Variants in PHLPP1 observed in about 807,000 individuals in gnomAD.
PHLPP1 encodes PH domain leucine-rich repeat-containing protein phosphatase 1.
PHLPP1 carries 42 observed loss-of-function variants against 117.2 expected under a neutral mutation model. That is an observed-to-expected ratio of 0.36 (90% CI 0.28 to 0.46). The LOEUF (loss-of-function observed/expected upper bound fraction) is 0.46. Among genes scored for constraint, PHLPP1 ranks in the 20% least tolerant of loss-of-function variants. PHLPP1 has a pLI of 1.00. For missense variants in PHLPP1, 2,084 were observed against 2,241.9 expected, an observed-to-expected ratio of 0.93 and a Z score of 1.42; for synonymous variants, 1,042 against 970.7, an observed-to-expected ratio of 1.07 and a Z score of -1.37.
chr18:62,896,295 G>T (rs1459538640), intron 6 of PHLPP1, among the ~76,000 whole-genome samples: 4 of 140,264 alleles, frequency 2.9e-5, no homozygotes, highest in African/African-American at 5.2e-5. Context: ...TGTTGTTCTT[G>T]TTTTTTTTTT....
chr18:62,865,602 T>A (rs1915751978), intron 4 of PHLPP1, among the ~76,000 whole-genome samples: 1 of 152,190 alleles, frequency 6.6e-6, no homozygotes, highest in South Asian at 2.1e-4. Flanking sequence ...TAGAACAGAA[T>A]GGTGCATTAG....
intron 1 of PHLPP1, among the ~76,000 whole-genome samples, chr18:62,794,836 G>A (rs781341347): frequency 7.2e-5 from 11 of 152,228 alleles, no homozygotes; most frequent in Non-Finnish European, 1.3e-4. Flanking sequence ...GGACTCTGTA[G>A]TGTGGTGTTT....
chr18:62,883,170 T>G lies in PHLPP1; in HGVS notation c.2067-11841T>G, dbSNP rs578250720. Among the ~76,000 whole-genome samples the G allele has an allele frequency of 3.9e-5, 6 of 152,228 alleles. 1 individual carries two copies. The South Asian group carries it at 1.0e-3, about 26-fold the overall frequency. On this transcript the variant is annotated intron_variant, in intron 4 of 16. Transcript: ENST00000262719. ...CTTTGGGTGGAGTGAGAGGACCTTCTCAAGCAAAATTAAAAACAGGGATCC... is the reference window on the plus strand; with the variant it reads ...CTTTGGGTGGAGTGAGAGGACCTTCGCAAGCAAAATTAAAAACAGGGATCC...
intron 1 of PHLPP1, among the ~76,000 whole-genome samples, chr18:62,824,889 C>G (rs1479794818): frequency 6.6e-6 from 1 of 151,782 alleles, no homozygotes; most frequent in East Asian, 1.9e-4. Context: ...CCACCCCCAC[C>G]CCCCATTTTT....
chr18:62,821,451 G>A (rs1444744914), intron 1 of PHLPP1, among the ~76,000 whole-genome samples: 1 of 151,230 alleles, frequency 6.6e-6, no homozygotes, highest in Non-Finnish European at 1.5e-5. Context: ...TGGGAGGCTG[G>A]GCTGGGAGAA....
chr18:62,941,614 T>C, intron 10 of PHLPP1, 104 bp from the exon 11 acceptor site: 1 of 762,972 alleles, frequency 1.3e-6, no homozygotes, highest in Non-Finnish European at 2.1e-6. Flanking sequence ...TTTCAATTCA[T>C]GTTTCTGATC....
chr18:62,770,251 C>T (rs1179121351), intron 1 of PHLPP1, among the ~76,000 whole-genome samples: 2 of 152,192 alleles, frequency 1.3e-5, no homozygotes, highest in African/African-American at 4.8e-5. Context: ...GCTGGGATTA[C>T]AGGCATGCAC....
chr18:62,761,428 C>T (rs1406058343), intron 1 of PHLPP1, among the ~76,000 whole-genome samples: 1 of 151,694 alleles, frequency 6.6e-6, no homozygotes, highest in Admixed American at 6.5e-5. Context: ...GTCATGAGAT[C>T]GAGACCATCC....
chr18:62,870,281 C>T (rs550759859), intron 4 of PHLPP1, among the ~76,000 whole-genome samples: 2 of 152,190 alleles, frequency 1.3e-5, no homozygotes, highest in Admixed American at 1.3e-4. Context: ...GCTAAGATTC[C>T]AGAGTAATAA....
At chr18:62,904,997 A>T (rs1261246777) in intron 7 of PHLPP1, among the ~76,000 whole-genome samples, 1 of 152,248 alleles carries the variant, frequency 6.6e-6, no homozygotes, top group Non-Finnish European at 1.5e-5. Context: ...GCAAAGAGGT[A>T]GGAAATTAGA....
intron 1 of PHLPP1, among the ~76,000 whole-genome samples, chr18:62,796,942 A>G (rs1913645241): frequency 6.6e-6 from 1 of 152,188 alleles, no homozygotes; most frequent in Admixed American, 6.5e-5. Flanking sequence ...TCTATTTTCT[A>G]TTTCTTTGGC....
intron 1 of PHLPP1, among the ~76,000 whole-genome samples, chr18:62,765,375 C>T (rs74383729): frequency 0.067 from 10,244 of 152,174 alleles, 396 homozygotes; most frequent in Middle Eastern, 0.088. Flanking sequence ...CAAAGAGGGG[C>T]GCTGGCATAA....
At chr18:62,766,056 A>T (rs1490644303) in intron 1 of PHLPP1, among the ~76,000 whole-genome samples, 3 of 35,694 alleles carry the variant, frequency 8.4e-5, no homozygotes, top group Admixed American at 3.5e-4. Context: ...GCTAGACTCC[A>T]TCTCAAAAAA....
intron 1 of PHLPP1, among the ~76,000 whole-genome samples, chr18:62,807,227 G>A (rs1468568089): frequency 6.6e-6 from 1 of 152,116 alleles, no homozygotes. Context: ...GTTATTGAGA[G>A]AGTGATGGTG....
At position 62,978,606 on chromosome 18, in the gene PHLPP1, C is replaced by G. The variant is rs1911275019; in HGVS notation, c.4329C>G (p.Pro1443=). 7 of 1,613,010 alleles carry G rather than the reference C, an allele frequency of 4.3e-6. No individual in the cohort carries two copies. The highest frequency in any genetic ancestry group is 5.9e-6 in the Non-Finnish European group (7 of 1,179,192). ...GCGCCGGTGGGGCTGTGCCACCACC[C>G]AGTCCTGGCATCTTTCCTCCCTCAG... ...ELSAGGAVPP[P]SPGIFPPSVN... The change falls in exon 17 of 17, where the codon CCC becomes CCG. Residue 1443 remains proline (P), a synonymous_variant. Transcript: ENST00000262719. This position sits in a 1 kb window ranked among gnomAD's most constrained non-coding sequence, Gnocchi z 7.0.
chr18:62,725,375 T>A (rs865917405), intron 1 of PHLPP1, among the ~76,000 whole-genome samples: 291 of 146,346 alleles, frequency 2.0e-3, no homozygotes, highest in Middle Eastern at 0.01. Flanking sequence ...AAAAAAAAAA[T>A]AATAAATAAA....
At chr18:62,758,793 C>T (rs1228198271) in intron 1 of PHLPP1, among the ~76,000 whole-genome samples, 1 of 152,176 alleles carries the variant, frequency 6.6e-6, no homozygotes, top group Non-Finnish European at 1.5e-5. Context: ...AAAAAACGAT[C>T]TTTCCACCTC....
intron 8 of PHLPP1, among the ~76,000 whole-genome samples, chr18:62,913,735 CTCTCTT>C (rs1917021875): frequency 3.5e-5 from 4 of 113,778 alleles, no homozygotes; most frequent in Admixed American, 1.0e-4. Flanking sequence ...AGTTCTCTCT[CTCTCTT>C]TTTTTTTTTT....
Position 62,716,353 on chromosome 18 carries a change from G to T in PHLPP1, c.670G>T (p.Asp224Tyr). The T allele has an allele frequency of 6.7e-7, 1 of 1,500,668 alleles. No individual in the cohort carries two copies. Among genetic ancestry groups the T allele is most frequent in the Non-Finnish European group, 8.8e-7 (1 of 1,130,694 alleles). The allele number at this position is 1,500,668 out of a possible 1,614,324, so 93.0% of individuals were successfully genotyped here. A position where few individuals can be genotyped will look rare whatever the true frequency, so the allele number is the denominator to read the frequency against. The change falls in exon 1 of 17, where the codon GAC becomes TAC. Residue 224 changes from aspartate to tyrosine, a missense_variant. By Grantham distance (160) the Asp-to-Tyr change is radical. Coordinates refer to ENST00000262719, the MANE Select transcript of PHLPP1 (RefSeq NM_194449.4). The surrounding 1 kb of genome is among the most constrained non-coding windows in gnomAD (Gnocchi z 5.7). ...CCTGCGCCCGGTGCTCTGCACACTGGACACCACGGCCGGCGAGGTGGCCGC... is the reference window on the plus strand; with the variant it reads ...CCTGCGCCCGGTGCTCTGCACACTGTACACCACGGCCGGCGAGGTGGCCGC... The part of the protein sequence containing the change: ...TYLRPVLCTL[D>Y]TTAGEVAARL...
Sources: gnomAD v4.1 joint callset for allele counts (sites outside exome capture counted in the v4.1 genomes callset) on GRCh38, gnomAD v4.1.1 for gene constraint, Gnocchi (gnomAD v3.1) non-coding constraint, MANE v1.5 for transcripts, NCBI Gene and HGNC (gene_info 2026-07-23, HGNC 2026-07-21) for gene names.